CLASP1: variants seen among roughly 807,000 people sequenced by gnomAD.
CLASP1 encodes the protein cytoplasmic linker associated protein 1.
In CLASP1, 38 loss-of-function variants were observed where a neutral mutation model predicts 192.3. The ratio of observed to expected loss-of-function variants is 0.20; its 90% confidence interval spans 0.15 to 0.26. CLASP1 has a LOEUF of 0.26. CLASP1 is among the 10% of genes least tolerant of loss of function. CLASP1 has a pLI of 1.00. For missense variants in CLASP1, 1,433 were observed against 1,932.5 expected (o/e 0.74, Z 4.85); for synonymous variants, 691 against 712.8 (o/e 0.97, Z 0.49).
At chr2:121,411,059 G>GT in intron 23 of CLASP1, 90 bp from the exon 25 acceptor site, 2 of 778,490 alleles carry the variant, frequency 2.6e-6, no homozygotes, top group Admixed American at 5.8e-5. Flanking sequence ...CCACCAAGTA[G>GT]ACAGAAGTAC....
At chr2:121,475,543 T>C (rs1359268280) in intron 8 of CLASP1, among the ~76,000 whole-genome samples, 3 of 152,202 alleles carry the variant, frequency 2.0e-5, no homozygotes, top group African/African-American at 7.2e-5. Flanking sequence ...TTACAGTATT[T>C]CTCAGCTAAA....
intron 7 of CLASP1, among the ~76,000 whole-genome samples, chr2:121,513,872 C>T (rs2094211598): frequency 6.6e-6 from 1 of 152,206 alleles, no homozygotes; most frequent in Admixed American, 6.5e-5. Context: ...GTCATGTAAA[C>T]ACCCTCTGCC....
exon 15 of CLASP1, chr2:121,451,825 C>T (rs1234654261): frequency 6.4e-6 from 10 of 1,572,508 alleles, no homozygotes. Context: ...CTTGTAAAAG[C>T]AAATCTAAAA....
chr2:121,354,509 G>T (rs1393180297), intron 37 of CLASP1, among the ~76,000 whole-genome samples: 1 of 152,196 alleles, frequency 6.6e-6, no homozygotes, highest in Non-Finnish European at 1.5e-5. Flanking sequence ...ACAGCTGAGT[G>T]GATGGTGAAA....
intron 2 of CLASP1, among the ~76,000 whole-genome samples, chr2:121,579,210 C>T (rs1252621288): frequency 6.6e-6 from 1 of 152,160 alleles, no homozygotes; most frequent in Non-Finnish European, 1.5e-5. Flanking sequence ...CCAGGCTTCT[C>T]CGTAATTTAC....
At chr2:121,410,906 C>T (rs2077603184) in exon 24 of CLASP1, 1 of 1,612,370 alleles carries the variant, frequency 6.2e-7, no homozygotes, top group East Asian at 2.2e-5. Flanking sequence ...TGTACTTGTG[C>T]TCAGAACTCT....
intron 35 of CLASP1, 40 bp downstream of exon 36, chr2:121,367,548 G>C: frequency 6.2e-7 from 1 of 1,611,904 alleles, no homozygotes; most frequent in Non-Finnish European, 8.5e-7. Context: ...CACAAGGGAA[G>C]CACTTCTGGG....
chr2:121,628,218 G>A (rs1056849328), intron 1 of CLASP1, among the ~76,000 whole-genome samples: 1 of 152,120 alleles, frequency 6.6e-6, no homozygotes, highest in African/African-American at 2.4e-5. Flanking sequence ...AGTATAAACT[G>A]GGTTGTACTA....
rs113081926 is a variant in CLASP1, at chr2:121,525,088, C to A, written c.546+757G>T. 9.9e-5 allele frequency among the ~76,000 whole-genome samples: 15 copies of A among 152,260 alleles called. 1 individual carries two copies. The highest frequency in any genetic ancestry group is 3.4e-4 in the African/African-American group (14 of 41,548). ...GAGAGGCCACTGACCATATATATTT[C>A]TCTTGTAAATTACTGTTCCATTTTC... On this transcript the variant is annotated intron_variant, in intron 6 of 39. Transcript: ENST00000263710.
In CLASP1 at chr2:121,482,594, T is replaced by C. The variant is rs184491493; in HGVS notation, c.713-12634A>G. Among the ~76,000 whole-genome samples the C allele has an allele frequency of 1.8e-3, 275 of 152,220 alleles. 1 individual carries two copies. In the South Asian group the frequency reaches 0.019, roughly 10 times the overall value. On this transcript the variant is annotated intron_variant, in intron 8 of 39. Transcript: ENST00000263710. ...ACACAAAGAGACTGGTACTTTAATA[T>C]CCAGAGTACCAAAGAGCACCCTAGG...
chr2:121,419,963 T>C (rs2079212530), intron 22 of CLASP1, among the ~76,000 whole-genome samples: 1 of 152,126 alleles, frequency 6.6e-6, no homozygotes, highest in Non-Finnish European at 1.5e-5. Context: ...ACAGCCAAAG[T>C]ATAACAAGAA....
intron 1 of CLASP1, among the ~76,000 whole-genome samples, chr2:121,610,263 A>G (rs2065058752): frequency 6.8e-6 from 1 of 146,566 alleles, no homozygotes; most frequent in Non-Finnish European, 1.5e-5. Flanking sequence ...AGGAGGAGTT[A>G]CAGGAGGAAG....
At chr2:121,355,842 AGACTTCT>A (rs2065283841) in intron 37 of CLASP1, among the ~76,000 whole-genome samples, 1 of 152,238 alleles carries the variant, frequency 6.6e-6, no homozygotes, top group Non-Finnish European at 1.5e-5. Flanking sequence ...AGGATCAAAA[AGACTTCT>A]GGGTTATAAT....
At chr2:121,496,677 A>T (rs1487198180) in intron 8 of CLASP1, among the ~76,000 whole-genome samples, 5 of 152,176 alleles carry the variant, frequency 3.3e-5, no homozygotes, top group Non-Finnish European at 7.4e-5. Context: ...ACAGGCACAC[A>T]GTCCCCTGTA....
intron 34 of CLASP1, among the ~76,000 whole-genome samples, chr2:121,373,848 C>A (rs992140747): frequency 6.6e-6 from 1 of 152,088 alleles, no homozygotes; most frequent in African/African-American, 2.4e-5. Context: ...TGCATAAACA[C>A]AAAAATGACC....
chr2:121,482,461 C>T lies in CLASP1; in HGVS notation c.713-12501G>A, dbSNP rs17006537. ...TGCCTTCCTCAGAGAAAAGAACTTA[C>T]AGCGACACGCCAAGAGTGACTAAGA... On this transcript the variant is annotated intron_variant, in intron 8 of 39. Coordinates refer to ENST00000263710, the Ensembl canonical transcript of CLASP1. 3.1e-4 allele frequency among the ~76,000 whole-genome samples: 47 copies of T among 152,256 alleles called. No homozygotes were observed. The East Asian group carries it at 5.8e-3, about 19-fold the overall frequency.
intron 19 of CLASP1, among the ~76,000 whole-genome samples, chr2:121,434,406 A>T (rs924279789): frequency 6.6e-6 from 1 of 152,006 alleles, no homozygotes; most frequent in African/African-American, 2.4e-5. Context: ...CTGGGACTAC[A>T]GGTGTATGTC....
intron 8 of CLASP1, among the ~76,000 whole-genome samples, chr2:121,478,974 ACACACACAC>A (rs1559370020): frequency 1.5e-4 from 7 of 48,090 alleles, no homozygotes; most frequent in East Asian, 1.4e-3. Context: ...CACACACACC[ACACACACAC>A]CACACACCCC....
At chr2:121,448,414 G>T in intron 17 of CLASP1, 89 bp from the exon 18 acceptor site, 2 of 1,214,562 alleles carry the variant, frequency 1.6e-6, no homozygotes, top group Non-Finnish European at 2.4e-6. Flanking sequence ...TTACAATGAA[G>T]AATTATTTCA....
Sources: allele counts gnomAD v4.1 joint callset (sites outside exome capture counted in the v4.1 genomes callset), GRCh38; gene constraint gnomAD v4.1.1; transcripts MANE v1.5; gene names NCBI Gene and HGNC (gene_info 2026-07-23, HGNC 2026-07-21).